Variants in PLPP5 observed in about 807,000 individuals in gnomAD.
The protein encoded by PLPP5 is phospholipid phosphatase 5.
PLPP5 carries 29 observed loss-of-function variants against 23.6 expected under a neutral mutation model. The ratio of observed to expected loss-of-function variants is 1.23; its 90% CI spans 0.92 to 1.68. The LOEUF is 1.68. PLPP5 is among the 40% of genes most tolerant of loss of function. The probability of loss-of-function intolerance (pLI) is 0.00; values close to 1 mark genes in which losing one functional copy is unlikely to be tolerated. For missense variants in PLPP5, 315 were observed against 332.1 expected (o/e 0.95, Z 0.40); for synonymous variants, 143 against 131.3 (o/e 1.09, Z -0.61).
chr8:38,268,397 G>T lies in PLPP5; in HGVS notation c.248C>A (p.Thr83Lys), dbSNP rs1342145527. ...CAGGCAGGCTTGTCTGCTGTCTCTT[G>T]TGTCTGCCTTCTTGAGAAATTTGGC... ...FLAKFLKKADTRDSRQACLAA... is the reference protein window; with the variant it reads ...FLAKFLKKADKRDSRQACLAA... The change falls in exon 3 of 7, where the codon ACA becomes AAA. Residue 83 changes from threonine to lysine, a missense_variant. Thr to Lys is a moderately conservative substitution (Grantham distance 78). Transcript: ENST00000424479. 1 of 1,572,794 alleles carries T rather than the reference G, an allele frequency of 6.4e-7. No homozygotes were observed. The highest frequency in any genetic ancestry group is 1.2e-5 in the South Asian group (1 of 85,430).
In PLPP5 at chr8:38,268,408, C is replaced by A; in HGVS notation, c.237G>T (p.Lys79Asn). The A allele has an allele frequency of 6.3e-7, 1 of 1,576,842 alleles. No homozygotes were observed. The highest frequency in any genetic ancestry group is 1.2e-5 in the South Asian group (1 of 85,694). The change falls in exon 3 of 7, where the codon AAG (lysine) becomes AAT (asparagine). Residue 79 changes from lysine (K) to asparagine (N), a missense_variant. Lys to Asn is a moderately conservative substitution (Grantham distance 94). Coordinates refer to ENST00000424479, the MANE Select transcript of PLPP5 (RefSeq NM_001102559.2). ...GTCTGCTGTCTCTTGTGTCTGCCTT[C>A]TTGAGAAATTTGGCCAGGAAGATCA... Reference protein sequence around the residue: ...LSLIFLAKFLKKADTRDSRQA... With the variant: ...LSLIFLAKFLNKADTRDSRQA...
Position 38,266,224 on chromosome 8 carries a change from C to A in PLPP5, c.551G>T (p.Arg184Met). The A allele has an allele frequency of 1.9e-6, 3 of 1,613,852 alleles. No homozygotes were observed. The South Asian group carries it at 3.3e-5, about 18-fold the overall frequency. ...TAGAGGTGACAGAAAGGCACAGAAC[C>A]TCCAAGATTTCCCACGGCCTTGTGG... The part of the protein sequence containing the change: ...FTPQGRGKSW[R>M]FCAFLSPLLF... The change falls in exon 6 of 7, where the codon AGG becomes ATG. Residue 184 changes from arginine (R) to methionine (M), a missense_variant. Arg to Met is a moderately conservative substitution (Grantham distance 91). Coordinates refer to ENST00000424479, the MANE Select transcript of PLPP5 (RefSeq NM_001102559.2).
rs1807236797 is a variant in PLPP5 at position 38,264,012 on chromosome 8, A to G, written c.*432T>C. On this transcript the variant is annotated 3_prime_UTR_variant, in exon 7 of 7. Transcript: ENST00000424479. ...TAGATGAGCAGGGGCAAAAGTGTGT[A>G]ATCATTTGGAGGCAGAATACAGTGT... 1.0e-6 allele frequency: 1 copy of G among 986,224 alleles called. No individual in the cohort carries two copies. The highest frequency in any genetic ancestry group is 1.2e-6 in the Non-Finnish European group (1 of 830,502). 61.1% of individuals were successfully genotyped at this position (986,224 alleles called of 1,614,324 possible).
At chr8:38,268,777 T>C in intron 2 of PLPP5, 105 bp downstream of exon 2, 1 of 1,436,714 alleles carries the variant, frequency 7.0e-7, no homozygotes, top group Non-Finnish European at 9.1e-7. Context: ...AGCAGCGGAG[T>C]GGGCAGTGGG....
chr8:38,266,903 C>T, intron 5 of PLPP5: 1 of 431,724 alleles, frequency 2.3e-6, no homozygotes, highest in Non-Finnish European at 3.6e-6. Flanking sequence ...ATACAATAGT[C>T]CCCACCTCAT....
At chr8:38,266,434 T>G (rs1318753893) in intron 5 of PLPP5, 123 bp from the exon 6 acceptor site, 4 of 985,534 alleles carry the variant, frequency 4.1e-6, no homozygotes, top group Non-Finnish European at 5.9e-6. Context: ...ACAGTCTTGC[T>G]CTGTCGCCCA....
Position 38,268,623 on chromosome 8 carries a change from C to G in PLPP5, c.184-162G>C, listed in dbSNP as rs1203771371. 3.5e-6 allele frequency: 5 copies of G among 1,440,874 alleles called. No individual in the cohort carries two copies. The Admixed American group carries it at 8.3e-5, about 24-fold the overall frequency. The allele number at this position is 1,440,874 out of a possible 1,614,324, so 89.3% of individuals were successfully genotyped here. ...GCAGCGCCACCAGTGAACAGCAGCGCCCGTGCGGCTCGGGCCCCGGTACCT... is the reference window on the plus strand; with the variant it reads ...GCAGCGCCACCAGTGAACAGCAGCGGCCGTGCGGCTCGGGCCCCGGTACCT... On this transcript the variant is annotated intron_variant, in intron 2 of 6. Transcript: ENST00000424479.
Position 38,264,099 on chromosome 8 carries a change from C to T in PLPP5, c.*345G>A. 1.0e-6 allele frequency: 1 copy of T among 994,614 alleles called. No individual in the cohort carries two copies. The allele number at this position is 994,614 out of a possible 1,614,324, so 61.6% of individuals were successfully genotyped here. On this transcript the variant is annotated 3_prime_UTR_variant, in exon 7 of 7. Transcript: ENST00000424479. Reference sequence around the variant, plus strand: ...AAAGGCTAGAATTTCTTGTCTTGTGCATGGTCCGGTTAGGAGGGCTAGTTC... The same window carrying T: ...AAAGGCTAGAATTTCTTGTCTTGTGTATGGTCCGGTTAGGAGGGCTAGTTC...
At chr8:38,267,445 T>C in intron 4 of PLPP5, 54 bp from the exon 5 acceptor site, 2 of 1,596,558 alleles carry the variant, frequency 1.3e-6, no homozygotes, top group South Asian at 2.2e-5. Flanking sequence ...GAAATTATTT[T>C]TCAGTTGTAG....
At chr8:38,266,059 A>T in intron 6 of PLPP5, 82 bp downstream of exon 6, 1 of 1,288,406 alleles carries the variant, frequency 7.8e-7, no homozygotes, top group Non-Finnish European at 1.1e-6. Flanking sequence ...GCAGATATTT[A>T]GTAAGCATCT....
Position 38,263,433 on chromosome 8 carries a change from G to A in PLPP5, c.*1011C>T. ...TTCAGTCATGAATGGAAGGAAAGAA[G>A]CTCACAAGTACAGTTATGGTCAAAT... On this transcript the variant is annotated 3_prime_UTR_variant, in exon 7 of 7. Coordinates refer to ENST00000424479, the MANE Select transcript of PLPP5 (RefSeq NM_001102559.2). 1.0e-6 allele frequency: 1 copy of A among 985,366 alleles called. No individual in the cohort carries two copies. Among genetic ancestry groups the A allele is most frequent in the Non-Finnish European group, 1.2e-6 (1 of 829,852 alleles). 61.0% of individuals were successfully genotyped at this position (985,366 alleles called of 1,614,324 possible). A position where few individuals can be genotyped will look rare whatever the true frequency, so the allele number is the denominator to read the frequency against.
rs1807557326 is a variant in PLPP5, at chr8:38,266,208, C to T, written c.567G>A (p.Leu189=). Residue 189 remains leucine (L), a synonymous_variant, in exon 6 of 7, where the codon CTG becomes CTA. Coordinates refer to ENST00000424479, the MANE Select transcript of PLPP5 (RefSeq NM_001102559.2). The part of the protein sequence containing the change: ...RGKSWRFCAF[L]SPLLFAAVIA... The stretch of plus-strand genomic sequence containing the variant: ...TCACAGCTGCAAAAAGTAGAGGTGA[C>T]AGAAAGGCACAGAACCTCCAAGATT... 1.7e-5 allele frequency: 27 copies of T among 1,613,826 alleles called. No individual in the cohort carries two copies. The highest frequency in any genetic ancestry group is 2.2e-5 in the Non-Finnish European group (26 of 1,179,822).
Position 38,268,971 on chromosome 8 carries a change from G to T in PLPP5, c.94C>A (p.Pro32Thr), listed in dbSNP as rs759812729. The change falls in exon 2 of 7, where the codon CCG (proline) becomes ACG (threonine). Residue 32 changes from proline (P) to threonine (T), a missense_variant. Coordinates refer to ENST00000424479, the MANE Select transcript of PLPP5 (RefSeq NM_001102559.2). ...AAFLVTELLP[P>T]FQRLIQPEEM... Reference sequence around the variant, plus strand: ...TCCGGCTGGATGAGTCTCTGGAACGGGGGGAGCAGCTCCGTCACCCTAGAG... The same window carrying T: ...TCCGGCTGGATGAGTCTCTGGAACGTGGGGAGCAGCTCCGTCACCCTAGAG... The T allele has an allele frequency of 6.4e-7, 1 of 1,570,218 alleles. No individual in the cohort carries two copies.
chr8:38,267,533 C>T, intron 4 of PLPP5, 142 bp from the exon 5 acceptor site: 1 of 949,922 alleles, frequency 1.1e-6, no homozygotes, highest in Non-Finnish European at 1.5e-6. Context: ...GTATAGTCAC[C>T]ACACTAAGAG....
chr8:38,267,750 G>A, intron 4 of PLPP5, 147 bp downstream of exon 4: 1 of 830,210 alleles, frequency 1.2e-6, no homozygotes, highest in South Asian at 1.7e-5. Context: ...ATGGGGAAGG[G>A]AGTAAGCGTT....
In PLPP5 at chr8:38,268,336, C is replaced by A. The variant is rs1438131437; in HGVS notation, c.274+35G>T. 1.0e-5 allele frequency: 16 copies of A among 1,532,572 alleles called. No individual in the cohort carries two copies. The East Asian group carries it at 3.9e-4, about 37-fold the overall frequency. The allele number at this position is 1,532,572 out of a possible 1,614,324, so 94.9% of individuals were successfully genotyped here. On this transcript the variant is annotated intron_variant, in intron 3 of 6. Transcript: ENST00000424479. ...CCACAACGACCTCCTAGGTTCCCAG[C>A]ACGAAGAAACCGGCCCGAAAGGGCT...
intron 3 of PLPP5, 149 bp from the exon 4 acceptor site, chr8:38,268,109 T>A (rs1484889024): frequency 1.2e-5 from 18 of 1,464,350 alleles, no homozygotes; most frequent in Non-Finnish European, 1.6e-5. Context: ...CAGTGATCAC[T>A]CTTTTGTAGC....
chr8:38,268,012 G>A, intron 3 of PLPP5, 52 bp from the exon 4 acceptor site: 2 of 1,613,498 alleles, frequency 1.2e-6, no homozygotes, highest in Non-Finnish European at 1.7e-6. Flanking sequence ...GAAAGGTATG[G>A]TCATGGCCTC....
intron 2 of PLPP5, 73 bp from the exon 3 acceptor site, chr8:38,268,534 T>C (rs558397843): frequency 6.5e-7 from 1 of 1,536,148 alleles, no homozygotes; most frequent in African/African-American, 1.4e-5. Context: ...GAAAGAGGGA[T>C]GTGACACAGC....
Sources: gnomAD v4.1 joint callset for allele counts on GRCh38, gnomAD v4.1.1 for gene constraint, MANE v1.5 for transcripts, NCBI Gene and HGNC (gene_info 2026-07-23, HGNC 2026-07-21) for gene names.